Variants in ADRA1A observed in about 807,000 individuals in gnomAD.
ADRA1A encodes the protein alpha-1A adrenergic receptor.
ADRA1A carries 31 observed loss-of-function variants against 29.6 expected under a neutral mutation model. That is an observed-to-expected ratio of 1.05 (90% confidence interval 0.79 to 1.41). The LOEUF (loss-of-function observed/expected upper bound fraction) is 1.41, where lower values mean the gene tolerates loss of function less well. Ranked by LOEUF, ADRA1A falls within the 40% of genes most tolerant of loss-of-function variation. The probability of loss-of-function intolerance (pLI) is 0.00; values close to 1 mark genes in which losing one functional copy is unlikely to be tolerated. For synonymous variants in ADRA1A, 311 were observed against 254.3 expected, an observed-to-expected ratio of 1.22 and a Z score of -2.12; for missense variants, 619 against 601.1, an observed-to-expected ratio of 1.03 and a Z score of -0.31.
At chr8:26,817,478 T>A (rs1484745241) in intron 2 of ADRA1A, among the ~76,000 whole-genome samples, 1 of 152,228 alleles carries the variant, frequency 6.6e-6, no homozygotes, top group East Asian at 1.9e-4. Context: ...TGGTGATTTC[T>A]TATAAAGTTA....
chr8:26,806,214 A>G lies in ADRA1A; in HGVS notation c.884-35548T>C, dbSNP rs1339905230. Among the ~76,000 whole-genome samples, 1 of 152,196 alleles carries G rather than the reference A, an allele frequency of 6.6e-6. No individual in the cohort carries two copies. The highest frequency in any genetic ancestry group is 1.5e-5 in the Non-Finnish European group (1 of 68,040). On this transcript the variant is annotated intron_variant, in intron 2 of 2. Transcript: ENST00000380573. This position sits in a 1 kb window ranked among gnomAD's most constrained non-coding sequence, Gnocchi z 4.6. Reference sequence around the variant, plus strand: ...TTTTTAACTGGGTTGCAATTCATGCAGCCTCCTAACTGCAAAATCACTTCC... The same window carrying G: ...TTTTTAACTGGGTTGCAATTCATGCGGCCTCCTAACTGCAAAATCACTTCC...
intron 2 of ADRA1A, among the ~76,000 whole-genome samples, chr8:26,842,654 G>A (rs1486766004): frequency 6.6e-6 from 1 of 151,978 alleles, no homozygotes; most frequent in Non-Finnish European, 1.5e-5. Flanking sequence ...TTCTAACACT[G>A]CTCTGCAATG....
chr8:26,799,362 C>T lies in ADRA1A; in HGVS notation c.884-28696G>A, dbSNP rs151221624. ...TCTGGGTGGAGAAAACAGAGGTTGT[C>T]ACCCAGGGAAACTGAGATGGGTGAA... On this transcript the variant is annotated intron_variant, in intron 2 of 2. Transcript: ENST00000380573. Among the ~76,000 whole-genome samples the T allele has an allele frequency of 1.5e-4, 23 of 152,248 alleles. No homozygotes were observed. In the East Asian group the frequency reaches 4.3e-3, roughly 28 times the overall value.
intron 2 of ADRA1A, among the ~76,000 whole-genome samples, chr8:26,845,618 C>G (rs56786343): frequency 4.5e-4 from 69 of 152,268 alleles, no homozygotes; most frequent in African/African-American, 1.7e-3. Flanking sequence ...GGTACTCAAA[C>G]AAAAACTTGT....
chr8:26,837,103 G>C (rs1248312196), intron 2 of ADRA1A, among the ~76,000 whole-genome samples: 2 of 151,582 alleles, frequency 1.3e-5, no homozygotes, highest in Admixed American at 1.3e-4. Context: ...ATATACAATG[G>C]CTAGTATATA....
chr8:26,767,109 T>C (rs768631072), downstream of ADRA1A, among the ~76,000 whole-genome samples: 36 of 152,178 alleles, frequency 2.4e-4, no homozygotes, highest in Non-Finnish European at 4.6e-4. Context: ...CAGTTTGAGT[T>C]GCAGAATAAA....
chr8:26,862,846 A>T (rs1196709282), intron 2 of ADRA1A, among the ~76,000 whole-genome samples: 8 of 152,236 alleles, frequency 5.3e-5, no homozygotes, highest in African/African-American at 1.9e-4. Context: ...AATTTTATTT[A>T]ATTTCAATTA....
At chr8:26,750,782 G>A (rs1563225001) in intron 2 of ADRA1A, among the ~76,000 whole-genome samples, 2 of 152,174 alleles carry the variant, frequency 1.3e-5, no homozygotes, top group Non-Finnish European at 2.9e-5. Flanking sequence ...AAAATTCTAA[G>A]TTGTAGGCTG....
chr8:26,784,887 C>G (rs1345038160), intron 2 of ADRA1A, among the ~76,000 whole-genome samples: 1 of 152,160 alleles, frequency 6.6e-6, no homozygotes, highest in South Asian at 2.1e-4. Flanking sequence ...TGCCCTGGAA[C>G]TTGGCTTTAC....
At chr8:26,828,970 C>A (rs148392546) in intron 2 of ADRA1A, among the ~76,000 whole-genome samples, 2 of 152,154 alleles carry the variant, frequency 1.3e-5, no homozygotes, top group Non-Finnish European at 2.9e-5. Context: ...TTTTAAAAAG[C>A]ACAGTACCTG....
chr8:26,821,952 A>G lies in ADRA1A; in HGVS notation c.883+42135T>C, dbSNP rs868149231. On this transcript the variant is annotated intron_variant, in intron 2 of 2. Coordinates refer to ENST00000380573, the MANE Select transcript of ADRA1A (RefSeq NM_000680.4). The surrounding 1 kb of genome is among the most constrained non-coding windows in gnomAD (Gnocchi z 5.6). ...CAATAGCTTGCTATTTTTTATTGCT[A>G]AGTAGGGGTGTATTACCATTTGCTT... Among the ~76,000 whole-genome samples, 4 of 152,160 alleles carry G rather than the reference A, an allele frequency of 2.6e-5. No individual in the cohort carries two copies. The highest frequency in any genetic ancestry group is 9.7e-5 in the African/African-American group (4 of 41,432).
In ADRA1A at chr8:26,867,143, T is replaced by G; in HGVS notation, c.-894A>C. ...GAACCGCTGTCACTTTACCTGCATT[T>G]TTTAAAAAGAGTCAAAATAAGAAAA... On this transcript the variant is annotated 5_prime_UTR_variant, in exon 1 of 3. Transcript: ENST00000380573. 1.0e-6 allele frequency: 1 copy of G among 985,432 alleles called. No individual in the cohort carries two copies. Among genetic ancestry groups the G allele is most frequent in the South Asian group, 4.7e-5 (1 of 21,274 alleles). 61.0% of individuals were successfully genotyped at this position (985,432 alleles called of 1,614,324 possible).
intron 2 of ADRA1A, among the ~76,000 whole-genome samples, chr8:26,757,952 T>C (rs186044035): frequency 1.5e-3 from 231 of 152,328 alleles, no homozygotes; most frequent in Non-Finnish European, 2.7e-3. Context: ...TAATATACTT[T>C]CTATTGCTAA....
downstream of ADRA1A, among the ~76,000 whole-genome samples, chr8:26,753,794 A>G (rs1187762560): frequency 1.3e-5 from 2 of 152,238 alleles, no homozygotes; most frequent in African/African-American, 2.4e-5. Context: ...ACACACCATG[A>G]TTGAAAAACT....
intron 2 of ADRA1A, among the ~76,000 whole-genome samples, chr8:26,858,021 T>C (rs1245932573): frequency 6.6e-6 from 1 of 152,250 alleles, no homozygotes; most frequent in Non-Finnish European, 1.5e-5. Context: ...GAATGAATCA[T>C]TCTCTGCCTC....
chr8:26,776,363 C>T (rs750627591), intron 2 of ADRA1A, among the ~76,000 whole-genome samples: 1 of 152,188 alleles, frequency 6.6e-6, no homozygotes, highest in Non-Finnish European at 1.5e-5. Context: ...ATTTTACCCC[C>T]TGGAAAACTT....
downstream of ADRA1A, among the ~76,000 whole-genome samples, chr8:26,761,245 C>T (rs139405391): frequency 6.9e-3 from 1,047 of 152,194 alleles, 19 homozygotes; most frequent in African/African-American, 0.024. Context: ...GCTGTAAGAA[C>T]TTGGAGAGAA....
chr8:26,784,086 A>T (rs925119136), intron 2 of ADRA1A, among the ~76,000 whole-genome samples: 2 of 152,202 alleles, frequency 1.3e-5, no homozygotes, highest in African/African-American at 4.8e-5. Flanking sequence ...TCAATACTTA[A>T]GTGATGGGTT....
Position 26,775,443 on chromosome 8 carries a change from C to T in ADRA1A, c.884-4777G>A, listed in dbSNP as rs1375649274. Among the ~76,000 whole-genome samples, 1 of 151,896 alleles carries T rather than the reference C, an allele frequency of 6.6e-6. No individual in the cohort carries two copies. The highest frequency in any genetic ancestry group is 2.4e-5 in the African/African-American group (1 of 41,342). On this transcript the variant is annotated intron_variant, in intron 2 of 2. Transcript: ENST00000380573. This position sits in a 1 kb window ranked among gnomAD's most constrained non-coding sequence, Gnocchi z 4.1. The stretch of plus-strand genomic sequence containing the variant: ...CTTGCTCTATCATCTGGCATCAGAC[C>T]CTCTAGTTTTTCTCATGATGCTTCA...
Sources: allele counts gnomAD v4.1 joint callset (sites outside exome capture counted in the v4.1 genomes callset), GRCh38; gene constraint gnomAD v4.1.1; non-coding constraint Gnocchi (gnomAD v3.1); transcripts MANE v1.5; gene names NCBI Gene and HGNC (gene_info 2026-07-23, HGNC 2026-07-21).